Variants in GABRB3 observed in about 807,000 individuals in gnomAD.
The protein encoded by GABRB3 is gamma-aminobutyric acid receptor subunit beta-3.
Under a neutral mutation model 52.1 loss-of-function variants are expected in GABRB3, and 14 were observed. That is an observed-to-expected ratio of 0.27 (90% CI 0.18 to 0.42). The LOEUF (loss-of-function observed/expected upper bound fraction) is 0.42, where lower values mean the gene tolerates loss of function less well. GABRB3 is among the 10% of genes least tolerant of loss of function. The pLI is 1.00. For missense variants in GABRB3, 307 were observed against 609.1 expected (o/e 0.50, Z 5.22); for synonymous variants, 260 against 232.3 (o/e 1.12, Z -1.08).
chr15:26,753,389 G>A (rs1426222), intron 3 of GABRB3, among the ~76,000 whole-genome samples: 140,127 of 152,280 alleles, frequency 0.92, 64,529 homozygotes, highest in East Asian at 1. Flanking sequence ...AGGGCTCCAC[G>A]CTGAGGCACT....
At chr15:26,734,138 T>A (rs2140153628) in intron 3 of GABRB3, among the ~76,000 whole-genome samples, 1 of 148,452 alleles carries the variant, frequency 6.7e-6, no homozygotes, top group Non-Finnish European at 1.5e-5. Context: ...CAAGCAATTC[T>A]CCTACCTCAG....
intron 4 of GABRB3, among the ~76,000 whole-genome samples, chr15:26,588,638 A>C (rs1351762860): frequency 6.6e-6 from 1 of 152,200 alleles, no homozygotes; most frequent in Non-Finnish European, 1.5e-5. Flanking sequence ...ATGAAGAGCA[A>C]TAAGGTTGAT....
intron 8 of GABRB3, among the ~76,000 whole-genome samples, chr15:26,558,323 C>T (rs1358878147): frequency 6.6e-6 from 1 of 152,200 alleles, no homozygotes; most frequent in Non-Finnish European, 1.5e-5. Flanking sequence ...TTTACATTCA[C>T]TTAATGTGCT....
In GABRB3 at chr15:26,772,663, C is replaced by T; in HGVS notation, c.172+18G>A. The T allele has an allele frequency of 1.3e-6, 2 of 1,554,656 alleles. No homozygotes were observed. The highest frequency in any genetic ancestry group is 1.7e-6 in the Non-Finnish European group (2 of 1,150,296). ...CGTGGGTCGCGCTTCCCGCAACGGC[C>T]GCGCGCAGCCCACTTACCCCCGAAG... On this transcript the variant is annotated intron_variant, in intron 2 of 8. Transcript: ENST00000311550.
At chr15:26,567,873 C>G in intron 6 of GABRB3, 140 bp from the exon 7 acceptor site, 2 of 783,304 alleles carry the variant, frequency 2.6e-6, no homozygotes, top group East Asian at 2.6e-5. Flanking sequence ...CAGTTTGCTT[C>G]TGTCTGCTAG....
At chr15:26,704,583 T>C (rs28496602) in intron 3 of GABRB3, among the ~76,000 whole-genome samples, 3,187 of 151,130 alleles carry the variant, frequency 0.021, 109 homozygotes, top group African/African-American at 0.073. Context: ...AAATCATCTT[T>C]AAATATTTCT....
intron 3 of GABRB3, among the ~76,000 whole-genome samples, chr15:26,746,806 T>C (rs1288346651): frequency 1.3e-5 from 2 of 151,920 alleles, no homozygotes; most frequent in East Asian, 1.9e-4. Flanking sequence ...GCTAACACGG[T>C]GAAACCCCAT....
intron 3 of GABRB3, among the ~76,000 whole-genome samples, chr15:26,636,722 G>A (rs946654088): frequency 6.6e-6 from 1 of 152,192 alleles, no homozygotes; most frequent in Admixed American, 6.5e-5. Context: ...CAATCCACTT[G>A]TGGTCTTCCC....
At chr15:26,746,591 T>G (rs1016965996) in intron 3 of GABRB3, among the ~76,000 whole-genome samples, 9 of 151,894 alleles carry the variant, frequency 5.9e-5, no homozygotes, top group African/African-American at 2.2e-4. Flanking sequence ...TGTTTTTTTT[T>G]TTTTTTGGAG....
At position 26,720,912 on chromosome 15, in the gene GABRB3, T is replaced by C. The variant is rs550409311; in HGVS notation, c.240+51490A>G. Among the ~76,000 whole-genome samples, 8 of 152,134 alleles carry C rather than the reference T, an allele frequency of 5.3e-5. No homozygotes were observed. The South Asian group carries it at 1.0e-3, about 20-fold the overall frequency. ...TTTTATCAGAAAAGTGTTAAAAAAATGTTAATATTATCATTGGCCCAAATA... is the reference window on the plus strand; with the variant it reads ...TTTTATCAGAAAAGTGTTAAAAAAACGTTAATATTATCATTGGCCCAAATA... On this transcript the variant is annotated intron_variant, in intron 3 of 8. Coordinates refer to ENST00000311550, the MANE Select transcript of GABRB3 (RefSeq NM_000814.6).
At chr15:26,746,477 T>C (rs1160133579) in intron 3 of GABRB3, among the ~76,000 whole-genome samples, 1 of 152,176 alleles carries the variant, frequency 6.6e-6, no homozygotes, top group African/African-American at 2.4e-5. Flanking sequence ...TTATGAATCA[T>C]GCTTTTGGTG....
chr15:26,578,389 T>G (rs17117115), intron 6 of GABRB3, among the ~76,000 whole-genome samples: 4,174 of 152,308 alleles, frequency 0.027, 206 homozygotes, highest in African/African-American at 0.094. Flanking sequence ...GACATGATAC[T>G]GCATTCTGGT....
At chr15:26,648,679 G>A (rs1170132997) in intron 3 of GABRB3, among the ~76,000 whole-genome samples, 1 of 152,214 alleles carries the variant, frequency 6.6e-6, no homozygotes, top group African/African-American at 2.4e-5. Context: ...CCAAGGTCTT[G>A]GGGACCCAGG....
intron 3 of GABRB3, among the ~76,000 whole-genome samples, chr15:26,679,747 G>A (rs1888180022): frequency 6.6e-6 from 1 of 152,010 alleles, no homozygotes; most frequent in Non-Finnish European, 1.5e-5. Flanking sequence ...AGTGAGCAGG[G>A]CAACTTGCTC....
At chr15:26,610,221 T>C (rs1423045798) in intron 4 of GABRB3, among the ~76,000 whole-genome samples, 1 of 152,174 alleles carries the variant, frequency 6.6e-6, no homozygotes, top group African/African-American at 2.4e-5. Context: ...CCATTAAAAG[T>C]AACAGCAAAA....
intron 3 of GABRB3, among the ~76,000 whole-genome samples, chr15:26,658,102 T>C (rs1887429719): frequency 6.6e-6 from 1 of 152,182 alleles, no homozygotes. Context: ...CTGTGCATTG[T>C]GATGGACCAG....
chr15:26,639,711 T>C (rs1205883289), intron 3 of GABRB3, among the ~76,000 whole-genome samples: 1 of 152,252 alleles, frequency 6.6e-6, no homozygotes, highest in Non-Finnish European at 1.5e-5. Context: ...AGTGTATTCA[T>C]ATAGAAATCC....
chr15:26,762,717 C>T (rs2140185274), intron 3 of GABRB3, among the ~76,000 whole-genome samples: 1 of 152,284 alleles, frequency 6.6e-6, no homozygotes, highest in Admixed American at 6.5e-5. Context: ...CATTAACGTT[C>T]TATAGGACGG....
At chr15:26,607,840 T>A (rs1331915270) in intron 4 of GABRB3, among the ~76,000 whole-genome samples, 1 of 151,920 alleles carries the variant, frequency 6.6e-6, no homozygotes, top group Non-Finnish European at 1.5e-5. Flanking sequence ...AAGATACAAA[T>A]GAAATATATC....
Sources: allele counts gnomAD v4.1 joint callset (sites outside exome capture counted in the v4.1 genomes callset), GRCh38; gene constraint gnomAD v4.1.1; transcripts MANE v1.5; gene names NCBI Gene and HGNC (gene_info 2026-07-23, HGNC 2026-07-21).